FGD4: variants seen among roughly 807,000 people sequenced by gnomAD.
The protein encoded by FGD4 is FYVE, RhoGEF and PH domain containing 4.
A neutral mutation model predicts 102.0 loss-of-function variants in FGD4; 42 were observed. That is an observed-to-expected ratio of 0.41 (90% CI 0.32 to 0.53). The LOEUF (loss-of-function observed/expected upper bound fraction) is 0.53, where lower values mean the gene tolerates loss of function less well. Among genes scored for constraint, FGD4 ranks in the 20% least tolerant of loss-of-function variants. FGD4 has a pLI of 0.21. For missense variants in FGD4, 902 were observed against 1,078.2 expected, an observed-to-expected ratio of 0.84 and a Z score of 2.29; for synonymous variants, 380 against 375.7, an observed-to-expected ratio of 1.01 and a Z score of -0.13.
intron 1 of FGD4, among the ~76,000 whole-genome samples, chr12:32,417,681 C>T (rs559684818): frequency 1.4e-4 from 21 of 151,914 alleles, no homozygotes; most frequent in African/African-American, 3.9e-4. Flanking sequence ...TGGTCTCCAA[C>T]GCCAGGCTTA....
chr12:32,556,125 G>C (rs1351301671), intron 1 of FGD4, among the ~76,000 whole-genome samples: 2 of 152,140 alleles, frequency 1.3e-5, no homozygotes, highest in Non-Finnish European at 2.9e-5. Flanking sequence ...ACAGGCATGA[G>C]CCATCATGCC....
At chr12:32,417,476 G>A (rs184626229) in intron 1 of FGD4, among the ~76,000 whole-genome samples, 1 of 151,510 alleles carries the variant, frequency 6.6e-6, no homozygotes, top group Non-Finnish European at 1.5e-5. Flanking sequence ...TTTATTTTCT[G>A]AGACAGAGTC....
chr12:32,564,341 A>G lies in FGD4; in HGVS notation c.319+52A>G, dbSNP rs1945007087. On this transcript the variant is annotated intron_variant, in intron 2 of 16. Coordinates refer to ENST00000534526, the MANE Select transcript of FGD4 (RefSeq NM_001370298.3). ...GGGTGGGTACGTTGTTGATCAATGAAGGCTAACCAGAAAAATGATGGCCAC... is the reference window on the plus strand; with the variant it reads ...GGGTGGGTACGTTGTTGATCAATGAGGGCTAACCAGAAAAATGATGGCCAC... 3 of 1,508,718 alleles carry G rather than the reference A, an allele frequency of 2.0e-6. No homozygotes were observed. In the South Asian group the frequency reaches 3.7e-5, roughly 19 times the overall value. The allele number at this position is 1,508,718 out of a possible 1,614,324, so 93.5% of individuals were successfully genotyped here. A position where few individuals can be genotyped will look rare whatever the true frequency, so the allele number is the denominator to read the frequency against.
chr12:32,639,720 T>C (rs1408257541), intron 16 of FGD4, among the ~76,000 whole-genome samples: 1 of 152,226 alleles, frequency 6.6e-6, no homozygotes, highest in Non-Finnish European at 1.5e-5. Context: ...AAACCAGTTA[T>C]GCATTTACTC....
chr12:32,540,324 C>A (rs1419367121), intron 1 of FGD4, among the ~76,000 whole-genome samples: 1 of 152,018 alleles, frequency 6.6e-6, no homozygotes, highest in Non-Finnish European at 1.5e-5. Flanking sequence ...AAGGAAATTT[C>A]CTCAAAAAAG....
At chr12:32,460,495 C>A (rs1484687728) in intron 1 of FGD4, among the ~76,000 whole-genome samples, 1 of 138,164 alleles carries the variant, frequency 7.2e-6, no homozygotes, top group Admixed American at 7.3e-5. Flanking sequence ...ACAGTGAGAC[C>A]CGGTCTCAAA....
intron 1 of FGD4, among the ~76,000 whole-genome samples, chr12:32,491,154 A>AAC (rs1944081528): frequency 2.0e-5 from 3 of 151,680 alleles, no homozygotes; most frequent in Admixed American, 6.6e-5. Context: ...AAAAAAACAA[A>AAC]AAACTATAAA....
At chr12:32,427,259 G>A (rs2728682) in intron 1 of FGD4, among the ~76,000 whole-genome samples, 60,436 of 151,934 alleles carry the variant, frequency 0.4, 12,670 homozygotes, top group African/African-American at 0.52. Context: ...ATTCTGGTAC[G>A]TTGTTTCTTT....
At chr12:32,435,117 A>G (rs900573116) in intron 1 of FGD4, among the ~76,000 whole-genome samples, 2 of 151,872 alleles carry the variant, frequency 1.3e-5, no homozygotes, top group African/African-American at 4.8e-5. Context: ...CTAATTTTGT[A>G]TTTTTAATAG....
chr12:32,538,561 G>A (rs988599698), intron 1 of FGD4, among the ~76,000 whole-genome samples: 2 of 152,180 alleles, frequency 1.3e-5, no homozygotes, highest in Admixed American at 6.5e-5. Flanking sequence ...AAAGAAGTAT[G>A]AAGAAAGTAT....
intron 7 of FGD4, among the ~76,000 whole-genome samples, chr12:32,604,604 T>C (rs1317353191): frequency 1.3e-5 from 2 of 152,226 alleles, no homozygotes; most frequent in African/African-American, 4.8e-5. Context: ...AGTTATTGGC[T>C]CTCACCTCTC....
At chr12:32,591,452 T>G (rs1019244849) in intron 4 of FGD4, among the ~76,000 whole-genome samples, 1 of 152,244 alleles carries the variant, frequency 6.6e-6, no homozygotes, top group African/African-American at 2.4e-5. Flanking sequence ...CATTTTAAAA[T>G]AATTGAAGAT....
At position 32,604,381 on chromosome 12, in the gene FGD4, G is replaced by A. The variant is rs549781284; in HGVS notation, c.1404+2064G>A. Among the ~76,000 whole-genome samples the A allele has an allele frequency of 1.7e-4, 26 of 152,070 alleles. No individual in the cohort carries two copies. In the South Asian group the frequency reaches 3.5e-3, roughly 21 times the overall value. On this transcript the variant is annotated intron_variant, in intron 7 of 16. Transcript: ENST00000534526. ...TCCTTTTGTTTGTTTTGGAAATGGTGTCTTGCTGTGTTGCCTAGGCTGGCC... is the reference window on the plus strand; with the variant it reads ...TCCTTTTGTTTGTTTTGGAAATGGTATCTTGCTGTGTTGCCTAGGCTGGCC...
chr12:32,491,132 T>TAAAAA lies in FGD4; in HGVS notation c.167-72991_167-72987dup, dbSNP rs72008264. 6.9e-4 allele frequency among the ~76,000 whole-genome samples: 73 copies of TAAAAA among 106,554 alleles called. 2 individuals carry two copies. The highest frequency in any genetic ancestry group is 1.9e-3 in the African/African-American group (51 of 27,542). 69.9% of individuals were successfully genotyped at this position (106,554 alleles called of 152,430 possible). ...GGATGTTGGAATACCTTCTGCCAGTTAAAAAAAAAAAAAAAAAACAAAAAA... is the reference window on the plus strand; with the variant it reads ...GGATGTTGGAATACCTTCTGCCAGTTAAAAAAAAAAAAAAAAAAAAAAACAAAAAA... On this transcript the variant is annotated intron_variant, in intron 1 of 16. Transcript: ENST00000534526.
chr12:32,473,754 G>T (rs534258685), intron 1 of FGD4, among the ~76,000 whole-genome samples: 1 of 152,098 alleles, frequency 6.6e-6, no homozygotes, highest in Admixed American at 6.6e-5. Context: ...GTAAGGCAGG[G>T]ACAGGAAAAT....
intron 7 of FGD4, among the ~76,000 whole-genome samples, chr12:32,602,919 T>A (rs75106095): frequency 0.034 from 5,119 of 152,320 alleles, 153 homozygotes; most frequent in African/African-American, 0.081. Context: ...TGAATTTTTT[T>A]AATTGTACCA....
chr12:32,485,730 C>T lies in FGD4; in HGVS notation c.167-78407C>T, dbSNP rs1432668720. On this transcript the variant is annotated intron_variant, in intron 1 of 16. Coordinates refer to ENST00000534526, the MANE Select transcript of FGD4 (RefSeq NM_001370298.3). ...GAGTGCTGGGATTACAAGTGTGAGC[C>T]ACTGCGCCTGACCAAGACCTATTTT... The T allele has an allele frequency of 9.9e-6, 5 of 503,030 alleles. No homozygotes were observed. In the African/African-American group the frequency reaches 1.0e-4, roughly 11 times the overall value. The allele number at this position is 503,030 out of a possible 1,614,324, so 31.2% of individuals were successfully genotyped here.
chr12:32,407,281 A>G (rs1591840491), intron 1 of FGD4, among the ~76,000 whole-genome samples: 1 of 150,950 alleles, frequency 6.6e-6, no homozygotes. Flanking sequence ...ACCTACCACT[A>G]TGCCCAGCTA....
intron 7 of FGD4, among the ~76,000 whole-genome samples, chr12:32,606,538 G>C (rs900295063): frequency 2.0e-5 from 3 of 148,866 alleles, no homozygotes; most frequent in South Asian, 2.1e-4. Context: ...CTGTGGGCCT[G>C]TTCTCTCAGG....
Sources: allele counts gnomAD v4.1 joint callset (sites outside exome capture counted in the v4.1 genomes callset), GRCh38; gene constraint gnomAD v4.1.1; transcripts MANE v1.5; gene names NCBI Gene and HGNC (gene_info 2026-07-23, HGNC 2026-07-21).